Variants in MAEA observed in about 807,000 individuals in gnomAD.
The protein encoded by MAEA is E3 ubiquitin-protein transferase MAEA.
A neutral mutation model predicts 46.2 loss-of-function variants in MAEA; 22 were observed. That is an observed-to-expected ratio of 0.48 (90% CI 0.34 to 0.68). MAEA has a LOEUF of 0.68. Among genes scored for constraint, MAEA ranks in the 30% least tolerant of loss-of-function variants. The pLI is 0.01. For synonymous variants in MAEA, 246 were observed against 222.6 expected (o/e 1.11, Z -0.94); for missense variants, 393 against 558.1 (o/e 0.70, Z 2.98).
chr4:1,315,096 A>G (rs1736963517), intron 2 of MAEA, among the ~76,000 whole-genome samples: 1 of 152,244 alleles, frequency 6.6e-6, no homozygotes, highest in African/African-American at 2.4e-5. Flanking sequence ...TTAACCAGAA[A>G]GGCATAGCAA....
intron 1 of MAEA, among the ~76,000 whole-genome samples, chr4:1,294,288 G>T (rs909373071): frequency 6.6e-6 from 1 of 152,250 alleles, no homozygotes; most frequent in Non-Finnish European, 1.5e-5. Context: ...CTCCGCGCTG[G>T]CACAGGTCTT....
At chr4:1,309,107 G>A (rs1470169595) in intron 1 of MAEA, among the ~76,000 whole-genome samples, 2 of 152,084 alleles carry the variant, frequency 1.3e-5, no homozygotes, top group Non-Finnish European at 2.9e-5. Context: ...TGTTTCTTGT[G>A]TCTTACATTG....
intron 3 of MAEA, among the ~76,000 whole-genome samples, chr4:1,322,079 G>C (rs950902389): frequency 1.3e-5 from 2 of 152,212 alleles, no homozygotes; most frequent in African/African-American, 2.4e-5. Context: ...GCCTGGCCCT[G>C]CCTGCATGTG....
In MAEA at chr4:1,338,603, G is replaced by A. The variant is rs1245197740; in HGVS notation, c.1081G>A (p.Val361Ile). 9.3e-6 allele frequency: 15 copies of A among 1,609,258 alleles called. No homozygotes were observed. Among genetic ancestry groups the A allele is most frequent in the East Asian group, 2.2e-5 (1 of 44,616 alleles). ...GCCCATGATGCTGCCCAACGGCTACGTCTACGGCTACAATGTGAGGGGGGC... is the reference window on the plus strand; with the variant it reads ...GCCCATGATGCTGCCCAACGGCTACATCTACGGCTACAATGTGAGGGGGGC... ...NPPMMLPNGY[V>I]YGYNSLLSIR... is the part of the protein sequence containing the mutation. Residue 361 changes from valine to isoleucine, a missense_variant, in exon 8 of 9, where the codon GTC becomes ATC. Val to Ile is a conservative substitution (Grantham distance 29). Transcript: ENST00000303400.
At chr4:1,292,856 G>T (rs948408179) in intron 1 of MAEA, among the ~76,000 whole-genome samples, 3 of 151,764 alleles carry the variant, frequency 2.0e-5, no homozygotes, top group Non-Finnish European at 4.4e-5. Flanking sequence ...AATGCCTTGT[G>T]GGGGAGGGGA....
chr4:1,292,746 C>A (rs569584989), intron 1 of MAEA, among the ~76,000 whole-genome samples: 1 of 152,160 alleles, frequency 6.6e-6, no homozygotes, highest in Non-Finnish European at 1.5e-5. Flanking sequence ...TCTTACCAAA[C>A]GGAGGTGTGG....
rs1463333040 is a variant in MAEA at position 1,309,966 on chromosome 4, T to C, written c.70-2013T>C. Reference sequence around the variant, plus strand: ...GCTAAGGGACGTCCAGAGAGGCCTTTCCTTTTCTGGTGGCGGTCTGGAATG... The same window carrying C: ...GCTAAGGGACGTCCAGAGAGGCCTTCCCTTTTCTGGTGGCGGTCTGGAATG... On this transcript the variant is annotated intron_variant, in intron 1 of 8. Coordinates refer to ENST00000303400, the MANE Select transcript of MAEA (RefSeq NM_001017405.3). 4 of 1,247,964 alleles carry C rather than the reference T, an allele frequency of 3.2e-6. No homozygotes were observed. In the East Asian group the frequency reaches 1.2e-4, roughly 38 times the overall value. 77.3% of individuals were successfully genotyped at this position (1,247,964 alleles called of 1,614,324 possible).
At chr4:1,328,602 A>C in intron 5 of MAEA, 1 of 1,212,700 alleles carries the variant, frequency 8.2e-7, no homozygotes, top group Non-Finnish European at 1.1e-6. Context: ...ATGCCCACAG[A>C]AACCCGACCG....
intron 1 of MAEA, among the ~76,000 whole-genome samples, chr4:1,292,770 A>C (rs1381530188): frequency 6.6e-6 from 1 of 151,982 alleles, no homozygotes; most frequent in Non-Finnish European, 1.5e-5. Flanking sequence ...ATGAGGACTC[A>C]GCCTTGCGTC....
At chr4:1,290,707 C>T (rs1052861775) in intron 1 of MAEA, among the ~76,000 whole-genome samples, 6 of 152,226 alleles carry the variant, frequency 3.9e-5, no homozygotes, top group East Asian at 3.8e-4. Flanking sequence ...TCTGTGTTGC[C>T]TTCCTGGAGA....
intron 1 of MAEA, among the ~76,000 whole-genome samples, chr4:1,294,820 CA>C (rs1734474507): frequency 3.8e-5 from 1 of 26,298 alleles, no homozygotes; most frequent in African/African-American, 1.5e-4. Context: ...GGGGCAGGGG[CA>C]GGGGCAGGGG....
At chr4:1,290,521 T>TG (rs1242386027) in intron 1 of MAEA, among the ~76,000 whole-genome samples, 3 of 152,224 alleles carry the variant, frequency 2.0e-5, no homozygotes, top group Non-Finnish European at 4.4e-5. Flanking sequence ...TGCGTGACCT[T>TG]GGGTGGTCAC....
rs894266251 is a variant in MAEA, at chr4:1,311,738, C to T, written c.70-241C>T. 2.0e-5 allele frequency among the ~76,000 whole-genome samples: 3 copies of T among 152,204 alleles called. No homozygotes were observed. The highest frequency in any genetic ancestry group is 4.8e-5 in the African/African-American group (2 of 41,458). On this transcript the variant is annotated intron_variant, in intron 1 of 8. Transcript: ENST00000303400. The surrounding 1 kb of genome is among the most constrained non-coding windows in gnomAD (Gnocchi z 4.4). The stretch of plus-strand genomic sequence containing the variant: ...TTTGGGATTATTTTGTCAACATACA[C>T]GTACAATGTTTTTGGCAAAAATTGG...
chr4:1,325,348 C>T (rs1300195298), intron 4 of MAEA, among the ~76,000 whole-genome samples: 10 of 152,234 alleles, frequency 6.6e-5, no homozygotes, highest in South Asian at 2.1e-4. Flanking sequence ...GGGCGCCTGT[C>T]GCAGGGCGGG....
intron 3 of MAEA, among the ~76,000 whole-genome samples, chr4:1,317,373 TGCAGGCCCCACACTCCGGACTCACCC>T: frequency 7.8e-6 from 1 of 127,508 alleles, no homozygotes; most frequent in South Asian, 2.6e-4. Context: ...CGGACTCATC[TGCAGGCCCCACACTCCGGACTCACCC>T]GCAGACCCAC....
At chr4:1,305,547 C>T (rs1735745024) in intron 1 of MAEA, among the ~76,000 whole-genome samples, 1 of 152,144 alleles carries the variant, frequency 6.6e-6, no homozygotes, top group Non-Finnish European at 1.5e-5. Flanking sequence ...TGGTAGGTGT[C>T]TTTACCTTTT....
At chr4:1,298,611 C>G (rs529522583) in intron 1 of MAEA, among the ~76,000 whole-genome samples, 1 of 152,174 alleles carries the variant, frequency 6.6e-6, no homozygotes, top group African/African-American at 2.4e-5. Flanking sequence ...CTGCCCATCT[C>G]GACCTCTCAC....
chr4:1,326,681 C>T (rs1056408441), intron 4 of MAEA, among the ~76,000 whole-genome samples: 8 of 151,552 alleles, frequency 5.3e-5, no homozygotes, highest in African/African-American at 1.9e-4. Flanking sequence ...CTCGGCCTCT[C>T]TCCGTCTTCT....
At chr4:1,306,075 C>T (rs1034659188) in intron 1 of MAEA, among the ~76,000 whole-genome samples, 5 of 152,228 alleles carry the variant, frequency 3.3e-5, no homozygotes, top group African/African-American at 4.8e-5. Context: ...GGGCCCCTCC[C>T]CAACGGGGAA....
Sources: allele counts gnomAD v4.1 joint callset (sites outside exome capture counted in the v4.1 genomes callset), GRCh38; gene constraint gnomAD v4.1.1; non-coding constraint Gnocchi (gnomAD v3.1); transcripts MANE v1.5; gene names NCBI Gene and HGNC (gene_info 2026-07-23, HGNC 2026-07-21).